Variants in TMEM132C observed in about 807,000 individuals in gnomAD.
TMEM132C encodes the protein protein phosphatase 1, regulatory subunit 152.
TMEM132C carries 29 observed loss-of-function variants against 61.4 expected under a neutral mutation model. The observed-to-expected ratio is 0.47, with a 90% CI of 0.35 to 0.64. The LOEUF (loss-of-function observed/expected upper bound fraction) is 0.64. Ranked by LOEUF, TMEM132C falls within the 30% of genes least tolerant of loss-of-function variation. The pLI is 0.00. For synonymous variants in TMEM132C, 656 were observed against 633.1 expected (o/e 1.04, Z -0.54); for missense variants, 1,408 against 1,476.9 (o/e 0.95, Z 0.76).
chr12:128,455,762 G>A (rs1450766014), intron 2 of TMEM132C, among the ~76,000 whole-genome samples: 3 of 152,142 alleles, frequency 2.0e-5, no homozygotes, highest in Non-Finnish European at 2.9e-5. Context: ...CCAAGGAAAC[G>A]AAGACAAAAC....
intron 5 of TMEM132C, among the ~76,000 whole-genome samples, chr12:128,687,743 T>C (rs7302662): frequency 0.012 from 1,779 of 152,274 alleles, 28 homozygotes; most frequent in Middle Eastern, 0.037. Flanking sequence ...AAAGGAGATA[T>C]TATTTAAACA....
At chr12:128,477,165 C>T (rs191241947) in intron 2 of TMEM132C, among the ~76,000 whole-genome samples, 6 of 152,148 alleles carry the variant, frequency 3.9e-5, no homozygotes, top group South Asian at 2.1e-4. Flanking sequence ...ACTGGTTGGC[C>T]GATTTGGAGT....
chr12:128,591,621 T>G lies in TMEM132C; in HGVS notation c.1122-24531T>G, dbSNP rs150111068. On this transcript the variant is annotated intron_variant, in intron 3 of 8. Transcript: ENST00000435159. ...TATGTACACTTAGGAGTAGAATTTC[T>G]GGATCATATGGGAGCTCTATTTTCA... Among the ~76,000 whole-genome samples the G allele has an allele frequency of 3.8e-4, 58 of 152,354 alleles. No homozygotes were observed. In the East Asian group the frequency reaches 5.6e-3, roughly 15 times the overall value.
intron 1 of TMEM132C, among the ~76,000 whole-genome samples, chr12:128,360,657 C>A (rs564492494): frequency 6.6e-6 from 1 of 152,032 alleles, no homozygotes; most frequent in Admixed American, 6.5e-5. Flanking sequence ...ATAACTTGAC[C>A]GTGGTGAATG....
At chr12:128,511,156 C>G (rs532209762) in intron 2 of TMEM132C, among the ~76,000 whole-genome samples, 1 of 152,312 alleles carries the variant, frequency 6.6e-6, no homozygotes, top group African/African-American at 2.4e-5. Context: ...TACCTGGATT[C>G]AGCCACGCTG....
At position 128,543,069 on chromosome 12, in the gene TMEM132C, G is replaced by A. The variant is rs186922907; in HGVS notation, c.975-888G>A. 3.5e-4 allele frequency among the ~76,000 whole-genome samples: 54 copies of A among 152,200 alleles called. No homozygotes were observed. The East Asian group carries it at 6.2e-3, about 17-fold the overall frequency. On this transcript the variant is annotated intron_variant, in intron 2 of 8. Transcript: ENST00000435159. ...GATAAGGAAAGTGAAATTGAGGCTG[G>A]CTAAGTGGTGTGATCAAAACAACAG...
At chr12:128,580,778 C>T (rs1875305420) in intron 3 of TMEM132C, among the ~76,000 whole-genome samples, 1 of 152,182 alleles carries the variant, frequency 6.6e-6, no homozygotes, top group African/African-American at 2.4e-5. Context: ...CAGCTTGCTA[C>T]CCTCAGTGAT....
intron 3 of TMEM132C, among the ~76,000 whole-genome samples, chr12:128,606,881 A>T (rs978047189): frequency 6.6e-6 from 1 of 152,206 alleles, no homozygotes. Flanking sequence ...AATGCATTTT[A>T]TGGATATGAA....
At chr12:128,386,904 G>T (rs1874601413) in intron 1 of TMEM132C, among the ~76,000 whole-genome samples, 3 of 152,164 alleles carry the variant, frequency 2.0e-5, no homozygotes, top group African/African-American at 7.2e-5. Flanking sequence ...TGAGGCGGGA[G>T]AATCCCTTGA....
intron 2 of TMEM132C, among the ~76,000 whole-genome samples, chr12:128,498,550 C>G (rs1419249715): frequency 6.6e-6 from 1 of 152,042 alleles, no homozygotes; most frequent in Admixed American, 6.5e-5. Context: ...TGGTGCATGC[C>G]TGTAATCCCA....
intron 1 of TMEM132C, among the ~76,000 whole-genome samples, chr12:128,334,373 C>T (rs530287545): frequency 9.9e-4 from 150 of 152,268 alleles, no homozygotes; most frequent in Non-Finnish European, 1.8e-3. Flanking sequence ...CTCCGGGGCC[C>T]GTGTGCATTC....
intron 4 of TMEM132C, among the ~76,000 whole-genome samples, chr12:128,660,921 A>G (rs1954382254): frequency 1.3e-5 from 2 of 152,228 alleles, no homozygotes; most frequent in African/African-American, 2.4e-5. Flanking sequence ...AGGTAGGTAG[A>G]TAGACAGATA....
At chr12:128,361,841 A>C in intron 1 of TMEM132C, among the ~76,000 whole-genome samples, 1 of 152,098 alleles carries the variant, frequency 6.6e-6, no homozygotes. Context: ...TTTCCTCAAG[A>C]AGGGAGGCTG....
At chr12:128,365,815 C>T (rs1048499864) in intron 1 of TMEM132C, among the ~76,000 whole-genome samples, 1 of 152,172 alleles carries the variant, frequency 6.6e-6, no homozygotes, top group Non-Finnish European at 1.5e-5. Context: ...TGAAAACTCC[C>T]AGCCCCCTTT....
chr12:128,381,758 G>T (rs1339525936), intron 1 of TMEM132C, among the ~76,000 whole-genome samples: 1 of 152,184 alleles, frequency 6.6e-6, no homozygotes, highest in African/African-American at 2.4e-5. Context: ...GACGGCATCT[G>T]GCGGCTTGAA....
intron 1 of TMEM132C, among the ~76,000 whole-genome samples, chr12:128,359,814 A>G (rs566438006): frequency 6.6e-6 from 1 of 152,326 alleles, no homozygotes; most frequent in East Asian, 1.9e-4. Context: ...GCCGTTCAAC[A>G]GAAACCTGAT....
At chr12:128,464,790 A>AAGAAAG (rs1555225846) in intron 2 of TMEM132C, among the ~76,000 whole-genome samples, 1 of 137,316 alleles carries the variant, frequency 7.3e-6, no homozygotes. Context: ...GAAAGAGAGA[A>AAGAAAG]AGAGAGGGAG....
intron 1 of TMEM132C, among the ~76,000 whole-genome samples, chr12:128,401,674 C>T (rs1875162929): frequency 6.6e-6 from 1 of 152,178 alleles, no homozygotes; most frequent in African/African-American, 2.4e-5. Context: ...GCCCTTCTCC[C>T]AGTTATTTAG....
rs192976816 is a variant in TMEM132C, at chr12:128,421,197, A to G, written c.974+5577A>G. Among the ~76,000 whole-genome samples the G allele has an allele frequency of 1.7e-3, 259 of 152,312 alleles. 1 individual carries two copies. Among genetic ancestry groups the G allele is most frequent in the Non-Finnish European group, 2.9e-3 (194 of 68,028 alleles). ...TCTAGCATCCATTCTAGCACTCTGT[A>G]TGCCTCTGTGTATGCATAGCTAATT... On this transcript the variant is annotated intron_variant, in intron 2 of 8. Coordinates refer to ENST00000435159, the MANE Select transcript of TMEM132C (RefSeq NM_001136103.3).
Sources: allele counts gnomAD v4.1 joint callset (sites outside exome capture counted in the v4.1 genomes callset), GRCh38; gene constraint gnomAD v4.1.1; transcripts MANE v1.5; gene names NCBI Gene and HGNC (gene_info 2026-07-23, HGNC 2026-07-21).